The following IQSEC1 variants were observed in gnomAD, a reference collection of about 807,000 sequenced individuals.
IQSEC1 encodes IQ motif and SEC7 domain-containing protein 1.
Under a neutral mutation model 91.0 loss-of-function variants are expected in IQSEC1, and 31 were observed. The ratio of observed to expected loss-of-function variants is 0.34; its 90% CI spans 0.26 to 0.46. IQSEC1 has a LOEUF of 0.46. IQSEC1 is among the 20% of genes least tolerant of loss of function. The pLI, the probability that IQSEC1 is intolerant of heterozygous loss-of-function variation, is 1.00. For missense variants in IQSEC1, 1,388 were observed against 1,575.6 expected (o/e 0.88, Z 2.02); for synonymous variants, 699 against 662.6 (o/e 1.05, Z -0.84).
chr3:12,992,119 C>T lies in IQSEC1; in HGVS notation c.24-50254G>A, dbSNP rs75186696. On this transcript the variant is annotated intron_variant, in intron 1 of 13. Coordinates refer to ENST00000613206, the MANE Select transcript of IQSEC1 (RefSeq NM_001134382.3). This position sits in a 1 kb window ranked among gnomAD's most constrained non-coding sequence, Gnocchi z 4.1. ...TCCGAGCATTCCCCAGGAAGCAGCC[C>T]TCTCAGGATGACTGGGTTGCTGGAG... Among the ~76,000 whole-genome samples the T allele has an allele frequency of 0.033, 4,951 of 152,238 alleles. 115 individuals carry two copies. Among genetic ancestry groups the T allele is most frequent in the Non-Finnish European group, 0.052 (3,567 of 68,006 alleles).
At chr3:13,224,631 C>G (rs1396411378) in intron 1 of IQSEC1, among the ~76,000 whole-genome samples, 1 of 152,012 alleles carries the variant, frequency 6.6e-6, no homozygotes, top group Non-Finnish European at 1.5e-5. Flanking sequence ...GTGCCACAGG[C>G]CTGACCTAGG....
At chr3:13,007,048 C>T (rs908119140) in intron 1 of IQSEC1, among the ~76,000 whole-genome samples, 1 of 152,210 alleles carries the variant, frequency 6.6e-6, no homozygotes, top group African/African-American at 2.4e-5. Flanking sequence ...GTCGGTTTTG[C>T]TAGGCTTTGT....
intron 4 of IQSEC1, among the ~76,000 whole-genome samples, chr3:12,923,818 C>T (rs1696858065): frequency 6.6e-6 from 1 of 152,236 alleles, no homozygotes; most frequent in African/African-American, 2.4e-5. Context: ...ATGGGCAGGG[C>T]TGGGCGGCTA....
chr3:13,198,155 T>C (rs1425190961), intron 1 of IQSEC1, among the ~76,000 whole-genome samples: 2 of 148,036 alleles, frequency 1.4e-5, no homozygotes, highest in African/African-American at 5.2e-5. Flanking sequence ...TAACAATTTC[T>C]GCTCATGCCC....
rs1344428078 is a variant in IQSEC1, at chr3:12,936,147, G to A, written c.869C>T (p.Thr290Ile). The stretch of plus-strand genomic sequence containing the variant: ...CAGCTCCTCCTCATCGATGTACAGG[G>A]TGACATCACTGTACGAGGCCGTCAT... ...DEMTASYSDV[T>I]LYIDEEELSP... The change falls in exon 3 of 14, where the codon ACC becomes ATC. Residue 290 changes from threonine to isoleucine, a missense_variant. Coordinates refer to ENST00000613206, the MANE Select transcript of IQSEC1 (RefSeq NM_001134382.3). The A allele has an allele frequency of 6.2e-7, 1 of 1,612,610 alleles. No homozygotes were observed. The highest frequency in any genetic ancestry group is 1.7e-5 in the Admixed American group (1 of 60,030).
chr3:13,252,083 A>G (rs1158959397), intron 1 of IQSEC1, among the ~76,000 whole-genome samples: 1 of 152,198 alleles, frequency 6.6e-6, no homozygotes, highest in Admixed American at 6.5e-5. Flanking sequence ...TTTCAAGTGT[A>G]CAGTTCAGTG....
rs567698283 is a variant in IQSEC1, at chr3:13,161,593, T to TG, written c.302+2510dup. Among the ~76,000 whole-genome samples, 738 of 152,260 alleles carry TG rather than the reference T, an allele frequency of 4.8e-3. 6 individuals carry two copies. The highest frequency in any genetic ancestry group is 0.016 in the African/African-American group (685 of 41,540). On this transcript the variant is annotated intron_variant, in intron 2 of 15. Transcript: ENST00000648114. Reference sequence around the variant, plus strand: ...CCTGGCAGCCAAGTCGTCAGCTGCATGGGAAGAAACACAATGCCTGTGCAT... The same window carrying TG: ...CCTGGCAGCCAAGTCGTCAGCTGCATGGGGAAGAAACACAATGCCTGTGCAT...
intron 2 of IQSEC1, among the ~76,000 whole-genome samples, chr3:13,098,160 C>T (rs892957500): frequency 6.6e-6 from 1 of 152,246 alleles, no homozygotes; most frequent in Admixed American, 6.5e-5. Context: ...ATTCAACAAA[C>T]ATTTATTGAG....
At position 13,011,687 on chromosome 3, in the gene IQSEC1, C is replaced by G. The variant is rs186416371; in HGVS notation, c.23+61305G>C. 3.3e-5 allele frequency among the ~76,000 whole-genome samples: 5 copies of G among 152,356 alleles called. No individual in the cohort carries two copies. In the East Asian group the frequency reaches 7.7e-4, roughly 23 times the overall value. On this transcript the variant is annotated intron_variant, in intron 1 of 13. Coordinates refer to ENST00000613206, the MANE Select transcript of IQSEC1 (RefSeq NM_001134382.3). ...ACAGGCAGGTGGCTGTCCACACCCACTTCTGTGTGGGGGCCTCTGGCGTCA... is the reference window on the plus strand; with the variant it reads ...ACAGGCAGGTGGCTGTCCACACCCAGTTCTGTGTGGGGGCCTCTGGCGTCA...
chr3:13,237,453 C>T (rs1278428787), intron 1 of IQSEC1, among the ~76,000 whole-genome samples: 1 of 152,228 alleles, frequency 6.6e-6, no homozygotes, highest in African/African-American at 2.4e-5. Flanking sequence ...TTTATTCCCT[C>T]GGTTCCTGCC....
At position 12,900,030 on chromosome 3, in the gene IQSEC1, C is replaced by T; in HGVS notation, c.*953G>A. On this transcript the variant is annotated 3_prime_UTR_variant, in exon 14 of 14. Transcript: ENST00000613206. ...TTAAAGTGTCTAAGAATCCGTGTAA[C>T]CAATGTCCTAAGACAACCAGCTTGT... 2.0e-6 allele frequency: 2 copies of T among 985,320 alleles called. No homozygotes were observed. The highest frequency in any genetic ancestry group is 2.4e-6 in the Non-Finnish European group (2 of 829,928). The allele number at this position is 985,320 out of a possible 1,614,324, so 61.0% of individuals were successfully genotyped here.
intron 1 of IQSEC1, among the ~76,000 whole-genome samples, chr3:13,012,799 G>T (rs1027914578): frequency 6.6e-6 from 1 of 152,102 alleles, no homozygotes; most frequent in Non-Finnish European, 1.5e-5. Flanking sequence ...GTTCCAGGAG[G>T]CAATGAAACC....
rs111288863 is a variant in IQSEC1, at chr3:13,044,100, C to G, written c.23+28892G>C. On this transcript the variant is annotated intron_variant, in intron 1 of 13. Transcript: ENST00000613206. ...AGGCTGGGAACCAGAGGCCTGATCTCACCCCATGCAAAGCCAAAGAACAAA... is the reference window on the plus strand; with the variant it reads ...AGGCTGGGAACCAGAGGCCTGATCTGACCCCATGCAAAGCCAAAGAACAAA... Among the ~76,000 whole-genome samples the G allele has an allele frequency of 5.7e-3, 869 of 152,318 alleles. 3 individuals are homozygous for G. The highest frequency in any genetic ancestry group is 7.7e-3 in the Non-Finnish European group (521 of 68,030).
chr3:13,177,367 G>C (rs917413713), intron 1 of IQSEC1, among the ~76,000 whole-genome samples: 2 of 152,234 alleles, frequency 1.3e-5, no homozygotes, highest in Admixed American at 6.5e-5. Context: ...GCTGGGTAGA[G>C]AGAAAAGCAA....
intron 1 of IQSEC1, among the ~76,000 whole-genome samples, chr3:13,057,229 G>A (rs556077423): frequency 1.3e-5 from 2 of 152,342 alleles, no homozygotes; most frequent in East Asian, 1.9e-4. Flanking sequence ...CGTGTGGACT[G>A]AAGACACAGC....
At chr3:13,051,622 C>T (rs571832969) in intron 1 of IQSEC1, among the ~76,000 whole-genome samples, 2 of 152,308 alleles carry the variant, frequency 1.3e-5, no homozygotes, top group African/African-American at 2.4e-5. Context: ...TCAATTTACA[C>T]GAAGACAAAA....
intron 2 of IQSEC1, among the ~76,000 whole-genome samples, chr3:13,112,606 C>T (rs1576255576): frequency 6.6e-6 from 1 of 152,276 alleles, no homozygotes; most frequent in South Asian, 2.1e-4. Flanking sequence ...CACCTCTGAG[C>T]ACCTGCCATG....
chr3:13,181,025 A>C (rs1396487819), intron 1 of IQSEC1, among the ~76,000 whole-genome samples: 2 of 152,090 alleles, frequency 1.3e-5, no homozygotes, highest in Non-Finnish European at 2.9e-5. Flanking sequence ...TAATCCTAAC[A>C]CTTTGGGAGG....
intron 1 of IQSEC1, among the ~76,000 whole-genome samples, chr3:12,982,921 G>A (rs561864318): frequency 6.6e-6 from 1 of 152,376 alleles, no homozygotes; most frequent in Admixed American, 6.5e-5. Context: ...GCTTGCAAGA[G>A]ACAGTGGCAA....
Sources: allele counts gnomAD v4.1 joint callset (sites outside exome capture counted in the v4.1 genomes callset), GRCh38; gene constraint gnomAD v4.1.1; non-coding constraint Gnocchi (gnomAD v3.1); transcripts MANE v1.5; gene names NCBI Gene and HGNC (gene_info 2026-07-23, HGNC 2026-07-21).